CRYBG1: variants seen among roughly 807,000 people sequenced by gnomAD.
CRYBG1 encodes crystallin beta-gamma domain containing 1, also known as beta/gamma crystallin domain-containing protein 1.
A neutral mutation model predicts 189.2 loss-of-function variants in CRYBG1; 139 were observed. The observed-to-expected ratio is 0.73, with a 90% CI of 0.64 to 0.85. CRYBG1 has a LOEUF of 0.85. Ranked by LOEUF, CRYBG1 falls within the 40% of genes least tolerant of loss-of-function variation. The pLI is 0.00. For missense variants in CRYBG1, 2,611 were observed against 2,675.8 expected (o/e 0.98, Z 0.53); for synonymous variants, 1,023 against 1,017.1 (o/e 1.01, Z -0.11).
intron 3 of CRYBG1, among the ~76,000 whole-genome samples, chr6:106,516,454 G>A (rs783417): frequency 0.14 from 21,333 of 151,854 alleles, 2,285 homozygotes; most frequent in African/African-American, 0.3. Context: ...GGCTGGTCTG[G>A]AACTCCTGAC....
At chr6:106,405,041 A>C (rs1770795877) in intron 1 of CRYBG1, among the ~76,000 whole-genome samples, 1 of 150,208 alleles carries the variant, frequency 6.7e-6, no homozygotes. Context: ...AGAACTGTTC[A>C]CTCCCCTGGA....
chr6:106,444,531 T>C (rs904367065), intron 1 of CRYBG1, among the ~76,000 whole-genome samples: 3 of 152,210 alleles, frequency 2.0e-5, no homozygotes, highest in Non-Finnish European at 4.4e-5. Flanking sequence ...CATTTCTTCC[T>C]CTGGGACCAA....
rs768045613 is a variant in CRYBG1 at position 106,520,516 on chromosome 6, C to T, written c.3308C>T (p.Ser1103Phe). 6.2e-7 allele frequency: 1 copy of T among 1,614,138 alleles called. No homozygotes were observed. Among genetic ancestry groups the T allele is most frequent in the Non-Finnish European group, 8.5e-7 (1 of 1,180,030 alleles). ...GSDDSVFDSS[S>F]DMEKFTEIIK... ...GATGATAGTGTATTTGATTCTTCTT[C>T]TGATATGGAAAAATTCACTGAAATT... Residue 1103 changes from serine (S) to phenylalanine (F), a missense_variant, in exon 4 of 22, where the codon TCT becomes TTT. Around this residue, in one of 3 missense-constraint regions of CRYBG1, gnomAD observed 1,622 missense variants for 1,735.0 expected, o/e 0.93. Coordinates refer to ENST00000633556, the MANE Select transcript of CRYBG1 (RefSeq NM_001371242.2).
At position 106,391,427 on chromosome 6, in the gene CRYBG1, A is replaced by G. The variant is rs8180627; in HGVS notation, c.173+30346A>G. Among the ~76,000 whole-genome samples the G allele has an allele frequency of 4.6e-5, 7 of 152,210 alleles. No homozygotes were observed. In the East Asian group the frequency reaches 1.4e-3, roughly 29 times the overall value. On this transcript the variant is annotated intron_variant, in intron 1 of 21. Coordinates refer to ENST00000633556, the MANE Select transcript of CRYBG1 (RefSeq NM_001371242.2). ...TTTTGATGTACAGTGCTAGTTGATA[A>G]TGTATCTCATTGTGGTTTTAATTTC...
intron 1 of CRYBG1, among the ~76,000 whole-genome samples, chr6:106,406,684 ATC>A (rs1470413646): frequency 6.6e-6 from 1 of 152,242 alleles, no homozygotes; most frequent in Non-Finnish European, 1.5e-5. Context: ...CTAACAGTGG[ATC>A]TCTCTGCAGA....
At chr6:106,462,946 G>T (rs1772042534) in intron 2 of CRYBG1, among the ~76,000 whole-genome samples, 1 of 152,164 alleles carries the variant, frequency 6.6e-6, no homozygotes, top group African/African-American at 2.4e-5. Flanking sequence ...TTGAGGCCAG[G>T]AGTTTGAAAC....
chr6:106,414,582 A>AT (rs1384187200), intron 1 of CRYBG1, among the ~76,000 whole-genome samples: 5 of 152,336 alleles, frequency 3.3e-5, no homozygotes, highest in South Asian at 4.1e-4. Flanking sequence ...GGGAGTGGTC[A>AT]TTTTTTGTCT....
intron 13 of CRYBG1, among the ~76,000 whole-genome samples, chr6:106,545,671 T>G (rs1184897245): frequency 7.3e-6 from 1 of 137,864 alleles, no homozygotes; most frequent in Non-Finnish European, 1.6e-5. Context: ...CACATTCAGC[T>G]TTTGTTCTCC....
intron 1 of CRYBG1, among the ~76,000 whole-genome samples, chr6:106,414,480 G>T (rs1019505017): frequency 2.6e-5 from 4 of 152,362 alleles, no homozygotes; most frequent in Middle Eastern, 3.4e-3. Context: ...TACAAAGGAG[G>T]TCAATGATGC....
intron 1 of CRYBG1, among the ~76,000 whole-genome samples, chr6:106,415,375 T>C (rs1217599016): frequency 6.6e-6 from 1 of 152,204 alleles, no homozygotes; most frequent in Admixed American, 6.5e-5. Context: ...CCCTCAAGGT[T>C]GGGCAGGGAG....
intron 6 of CRYBG1, among the ~76,000 whole-genome samples, 199 bp from the exon 7 acceptor site, chr6:106,527,106 T>C (rs1269521522): frequency 6.6e-6 from 1 of 152,118 alleles, no homozygotes; most frequent in Non-Finnish European, 1.5e-5. Flanking sequence ...GATCCTGATA[T>C]AGTTCATGAG....
chr6:106,470,553 C>T (rs1252522026), intron 2 of CRYBG1, among the ~76,000 whole-genome samples: 1 of 151,852 alleles, frequency 6.6e-6, no homozygotes. Flanking sequence ...GCCTGGGTGA[C>T]AGAGCAAGGC....
chr6:106,527,314 G>T lies in CRYBG1; in HGVS notation c.4422G>T (p.Leu1474Phe). The T allele has an allele frequency of 6.2e-7, 1 of 1,610,842 alleles. No homozygotes were observed. The highest frequency in any genetic ancestry group is 1.1e-5 in the South Asian group (1 of 90,620). ...LIKVVRGCWI[L>F]YEQPNFEGHS... ...TGTGTTTTATTGTTAGTTGGATTTTGTATGAGCAACCAAATTTTGAAGGGC... is the reference window on the plus strand; with the variant it reads ...TGTGTTTTATTGTTAGTTGGATTTTTTATGAGCAACCAAATTTTGAAGGGC... The change falls in exon 7 of 22, where the codon TTG becomes TTT. Residue 1474 changes from leucine (L) to phenylalanine (F), a missense_variant. By Grantham distance (22) the Leu-to-Phe change is conservative (BLOSUM62 0). Transcript: ENST00000633556.
chr6:106,478,922 TG>T (rs1772388819), intron 2 of CRYBG1, among the ~76,000 whole-genome samples: 1 of 152,202 alleles, frequency 6.6e-6, no homozygotes, highest in Admixed American at 6.5e-5. Context: ...CACCCCCAGC[TG>T]GGACCGTCTA....
At chr6:106,517,391 T>C (rs783415) in intron 3 of CRYBG1, among the ~76,000 whole-genome samples, 1,176 of 14,726 alleles carry the variant, frequency 0.08, 43 homozygotes, top group African/African-American at 0.21. Flanking sequence ...TATACACACA[T>C]ATATATATAT....
At position 106,420,199 on chromosome 6, in the gene CRYBG1, A is replaced by T. The variant is rs377149787; in HGVS notation, c.174-31495A>T. Among the ~76,000 whole-genome samples the T allele has an allele frequency of 1.6e-4, 24 of 152,332 alleles. No homozygotes were observed. The East Asian group carries it at 3.1e-3, about 20-fold the overall frequency. ...AAGGTTGAAGACACACCCAGGAAAA[A>T]ATATAAGCATACAGGAGCATTGGTG... On this transcript the variant is annotated intron_variant, in intron 1 of 21. Coordinates refer to ENST00000633556, the MANE Select transcript of CRYBG1 (RefSeq NM_001371242.2).
intron 1 of CRYBG1, among the ~76,000 whole-genome samples, chr6:106,361,969 C>CTTTTTTTT (rs200251504): frequency 8.9e-6 from 1 of 112,360 alleles, no homozygotes; most frequent in African/African-American, 3.7e-5. Flanking sequence ...TTCTTTCTTT[C>CTTTTTTTT]TTTTTTTTTT....
intron 2 of CRYBG1, among the ~76,000 whole-genome samples, chr6:106,496,577 A>T (rs1772856255): frequency 6.6e-6 from 1 of 152,174 alleles, no homozygotes; most frequent in Non-Finnish European, 1.5e-5. Flanking sequence ...TTTTAAGTTT[A>T]ATTGAAATTT....
At chr6:106,566,706 T>C (rs778729797) in intron 21 of CRYBG1, among the ~76,000 whole-genome samples, 1 of 152,034 alleles carries the variant, frequency 6.6e-6, no homozygotes, top group Non-Finnish European at 1.5e-5. Context: ...GGTGCCATCT[T>C]GTGGACATGA....
Sources: allele counts gnomAD v4.1 joint callset (sites outside exome capture counted in the v4.1 genomes callset), GRCh38; gene constraint gnomAD v4.1.1; regional missense constraint gnomAD v4.1.1; transcripts MANE v1.5; gene names NCBI Gene and HGNC (gene_info 2026-07-23, HGNC 2026-07-21).